Variants in TMEM132C observed in about 807,000 individuals in gnomAD.
TMEM132C encodes transmembrane protein 132C.
A neutral mutation model predicts 61.4 loss-of-function variants in TMEM132C; 29 were observed. The ratio of observed to expected loss-of-function variants is 0.47; its 90% CI spans 0.35 to 0.64. TMEM132C has a LOEUF of 0.64. Among genes scored for constraint, TMEM132C ranks in the 30% least tolerant of loss-of-function variants. The pLI is 0.00. For missense variants in TMEM132C, 1,408 were observed against 1,476.9 expected, an observed-to-expected ratio of 0.95 and a Z score of 0.76; for synonymous variants, 656 against 633.1, an observed-to-expected ratio of 1.04 and a Z score of -0.54.
chr12:128,473,501 C>T (rs1258829153), intron 2 of TMEM132C, among the ~76,000 whole-genome samples: 1 of 150,012 alleles, frequency 6.7e-6, no homozygotes, highest in East Asian at 1.9e-4. Context: ...TTCATCCTTA[C>T]TCCAGCCTCC....
At chr12:128,322,671 A>G (rs1872373274) in intron 1 of TMEM132C, among the ~76,000 whole-genome samples, 1 of 152,240 alleles carries the variant, frequency 6.6e-6, no homozygotes. Flanking sequence ...CAACAGAAAT[A>G]GGTCTGAGAA....
chr12:128,600,198 G>A (rs113934311), intron 3 of TMEM132C, among the ~76,000 whole-genome samples: 3 of 152,096 alleles, frequency 2.0e-5, no homozygotes, highest in Non-Finnish European at 4.4e-5. Context: ...TAGCCAGGAT[G>A]GTCTAGATCT....
chr12:128,299,584 T>C (rs1352646061), intron 1 of TMEM132C, among the ~76,000 whole-genome samples: 2 of 152,228 alleles, frequency 1.3e-5, no homozygotes, highest in African/African-American at 2.4e-5. Context: ...ATAGATGTTG[T>C]CTTCCTCTCA....
intron 5 of TMEM132C, among the ~76,000 whole-genome samples, chr12:128,685,333 G>T (rs1385479272): frequency 6.6e-6 from 1 of 152,204 alleles, no homozygotes; most frequent in African/African-American, 2.4e-5. Flanking sequence ...GGTTGTTCAA[G>T]ATGATTGCAA....
chr12:128,379,779 A>G (rs1327790440), intron 1 of TMEM132C, among the ~76,000 whole-genome samples: 1 of 152,196 alleles, frequency 6.6e-6, no homozygotes, highest in Non-Finnish European at 1.5e-5. Flanking sequence ...CCACATTTGC[A>G]TGTTCTGGGG....
At chr12:128,508,533 C>T (rs76837225) in intron 2 of TMEM132C, among the ~76,000 whole-genome samples, 2,254 of 152,300 alleles carry the variant, frequency 0.015, 54 homozygotes, top group African/African-American at 0.043. Context: ...GGTTTGCCTC[C>T]TGTCCCCAGC....
chr12:128,671,379 G>A (rs902298339), intron 5 of TMEM132C, among the ~76,000 whole-genome samples: 8 of 152,122 alleles, frequency 5.3e-5, no homozygotes, highest in African/African-American at 7.2e-5. Context: ...AGAATAAGGC[G>A]ATGTGAGGGC....
At chr12:128,400,822 C>G (rs904131792) in intron 1 of TMEM132C, among the ~76,000 whole-genome samples, 1 of 151,986 alleles carries the variant, frequency 6.6e-6, no homozygotes. Flanking sequence ...GTTGGCCAGG[C>G]TGGTCTCAAA....
intron 2 of TMEM132C, among the ~76,000 whole-genome samples, chr12:128,488,302 G>A (rs754973406): frequency 6.6e-6 from 1 of 152,156 alleles, no homozygotes; most frequent in Non-Finnish European, 1.5e-5. Flanking sequence ...TTGATTGACT[G>A]ATTTTACCAT....
chr12:128,610,757 C>A (rs1484315308), intron 3 of TMEM132C, among the ~76,000 whole-genome samples: 1 of 152,214 alleles, frequency 6.6e-6, no homozygotes, highest in Non-Finnish European at 1.5e-5. Context: ...GAAAAGATTT[C>A]TTATTTTTTT....
intron 1 of TMEM132C, among the ~76,000 whole-genome samples, chr12:128,304,986 G>T (rs1437566832): frequency 6.6e-6 from 1 of 152,158 alleles, no homozygotes; most frequent in Non-Finnish European, 1.5e-5. Context: ...GCTGAGAGGA[G>T]GGGCGAGGAA....
chr12:128,315,659 A>G (rs901283135), intron 1 of TMEM132C, among the ~76,000 whole-genome samples: 4 of 152,090 alleles, frequency 2.6e-5, no homozygotes, highest in African/African-American at 9.7e-5. Flanking sequence ...ATGTTTATCC[A>G]TGTAGGATCT....
intron 2 of TMEM132C, among the ~76,000 whole-genome samples, chr12:128,484,105 TTTGGTTTTCCCACCCATCAG>T (rs1346294864): frequency 6.6e-6 from 1 of 152,146 alleles, no homozygotes; most frequent in African/African-American, 2.4e-5. Flanking sequence ...AAAGCCGGGC[TTTGGTTTTCCCACCCATCAG>T]AGAGCTGTTG....
intron 5 of TMEM132C, among the ~76,000 whole-genome samples, chr12:128,672,740 T>C (rs556326366): frequency 2.0e-4 from 30 of 152,182 alleles, no homozygotes; most frequent in Non-Finnish European, 3.5e-4. Context: ...TCAGTGCTAG[T>C]TGGGTACAGC....
At chr12:128,660,696 G>A (rs1345082885) in intron 4 of TMEM132C, among the ~76,000 whole-genome samples, 4 of 152,178 alleles carry the variant, frequency 2.6e-5, no homozygotes, top group African/African-American at 7.2e-5. Flanking sequence ...ATGTGCCCAC[G>A]ACCTTGGCAT....
At chr12:128,414,529 C>T (rs892735934) in intron 1 of TMEM132C, among the ~76,000 whole-genome samples, 5 of 152,116 alleles carry the variant, frequency 3.3e-5, no homozygotes, top group Non-Finnish European at 5.9e-5. Context: ...TATGTTTCAA[C>T]CTAATATAAC....
chr12:128,365,365 T>C (rs565992342), intron 1 of TMEM132C, among the ~76,000 whole-genome samples: 79 of 152,320 alleles, frequency 5.2e-4, no homozygotes, highest in Non-Finnish European at 9.6e-4. Context: ...CTCTTACCCG[T>C]TGCTGCTGTT....
chr12:128,290,738 C>T (rs1871219972), intron 1 of TMEM132C, among the ~76,000 whole-genome samples: 1 of 152,076 alleles, frequency 6.6e-6, no homozygotes, highest in African/African-American at 2.4e-5. Context: ...AGATTTTTCT[C>T]CACTCCTTCT....
At position 128,661,623 on chromosome 12, in the gene TMEM132C, A is replaced by G. The variant is rs143919710; in HGVS notation, c.1306-7794A>G. On this transcript the variant is annotated intron_variant, in intron 4 of 8. Transcript: ENST00000435159. ...GGGATTCAGTTATTTGCAAAGGCAA[A>G]GAATTTGAAACACTGTAAGTTTCCA... Among the ~76,000 whole-genome samples the G allele has an allele frequency of 3.8e-3, 573 of 152,378 alleles. 5 individuals are homozygous for G. The highest frequency in any genetic ancestry group is 0.013 in the African/African-American group (541 of 41,588).
Sources: gnomAD v4.1 joint callset for allele counts (sites outside exome capture counted in the v4.1 genomes callset) on GRCh38, gnomAD v4.1.1 for gene constraint, MANE v1.5 for transcripts, NCBI Gene and HGNC (gene_info 2026-07-23, HGNC 2026-07-21) for gene names.